Variants in MRPS6 observed in about 807,000 individuals in gnomAD.
MRPS6 encodes small ribosomal subunit protein bS6m.
In MRPS6, 6 loss-of-function variants were observed where a neutral mutation model predicts 13.1. The ratio of observed to expected loss-of-function variants is 0.46; its 90% confidence interval spans 0.25 to 0.91. MRPS6 has a LOEUF of 0.91. Among genes scored for constraint, MRPS6 ranks in the 40% least tolerant of loss-of-function variants. The pLI is 0.18. For missense variants in MRPS6, 164 were observed against 155.6 expected (o/e 1.05, Z -0.29); for synonymous variants, 61 against 56.5 (o/e 1.08, Z -0.36).
At position 34,125,290 on chromosome 21, in the gene MRPS6, A is replaced by G. The variant is rs771942426; in HGVS notation, c.46-51A>G. ...CAGACTTAATCATTCTAGCTCTTAT[A>G]TTAATTCTGATGCTTTTTTTTCTTT... On this transcript the variant is annotated intron_variant, in intron 1 of 2. Transcript: ENST00000399312. The G allele has an allele frequency of 4.4e-6, 7 of 1,598,812 alleles. No homozygotes were observed. In the South Asian group the frequency reaches 5.7e-5, roughly 13 times the overall value.
chr21:34,116,178 T>TGTGTGTG (rs1979892869), intron 1 of MRPS6, among the ~76,000 whole-genome samples: 2 of 141,284 alleles, frequency 1.4e-5, no homozygotes, highest in African/African-American at 5.3e-5. Context: ...CCAGCTAATT[T>TGTGTGTG]TGTGTGTGTG....
chr21:34,076,728 G>A (rs1374658757), intron 1 of MRPS6, among the ~76,000 whole-genome samples: 1 of 152,176 alleles, frequency 6.6e-6, no homozygotes, highest in East Asian at 1.9e-4. Context: ...GTAAAGTAAT[G>A]GATGTTGTGA....
rs116552643 is a variant in MRPS6 at position 34,130,670 on chromosome 21, A to C, written c.185+5190A>C. On this transcript the variant is annotated intron_variant, in intron 2 of 2. Coordinates refer to ENST00000399312, the MANE Select transcript of MRPS6 (RefSeq NM_032476.4). ...CTGGAAGATCACGTGGGCAAGTTCT[A>C]CCTAGGAAGAAGTTCACTATTGCTC... 6.2e-3 allele frequency among the ~76,000 whole-genome samples: 950 copies of C among 152,312 alleles called. 16 individuals carry two copies. Among genetic ancestry groups the C allele is most frequent in the African/African-American group, 0.022 (905 of 41,576 alleles).
chr21:34,098,320 G>A (rs1979066776), intron 1 of MRPS6: 1 of 999,976 alleles, frequency 1.0e-6, no homozygotes, highest in East Asian at 1.1e-4. Context: ...TGGAAGATAT[G>A]TCCAGAAACC....
intron 2 of MRPS6, 41 bp downstream of exon 2, chr21:34,125,521 G>A (rs762178928): frequency 5.6e-6 from 9 of 1,608,242 alleles, no homozygotes; most frequent in Non-Finnish European, 7.6e-6. Flanking sequence ...TTTTTGATAG[G>A]CTCAGTAAAG....
At position 34,142,481 on chromosome 21, in the gene MRPS6, G is replaced by C; in HGVS notation, c.259G>C (p.Asp87His). The C allele has an allele frequency of 6.2e-7, 1 of 1,613,052 alleles. No individual in the cohort carries two copies. The highest frequency in any genetic ancestry group is 8.5e-7 in the Non-Finnish European group (1 of 1,179,592). The change falls in exon 3 of 3, where the codon GAT becomes CAT. Residue 87 changes from aspartate (D) to histidine (H), a missense_variant. Coordinates refer to ENST00000399312, the MANE Select transcript of MRPS6 (RefSeq NM_032476.4). ...GGTGGAGCACTTGTCTCGAGATATA[G>C]ATGTGATTAGAGGGAATATTGTCAA... ...SMVEHLSRDIDVIRGNIVKHP... is the reference protein window; with the variant it reads ...SMVEHLSRDIHVIRGNIVKHP...
chr21:34,108,381 G>C (rs907503234), intron 1 of MRPS6, among the ~76,000 whole-genome samples: 7 of 152,204 alleles, frequency 4.6e-5, no homozygotes, highest in Non-Finnish European at 1.0e-4. Context: ...GCGTGGGTTT[G>C]TAGTCTAGGA....
intron 1 of MRPS6, chr21:34,099,669 T>C (rs567767083): frequency 8.0e-6 from 8 of 998,016 alleles, no homozygotes; most frequent in Admixed American, 6.2e-5. Context: ...TCCCTCTACC[T>C]TCTTTCTGCT....
intron 1 of MRPS6, among the ~76,000 whole-genome samples, chr21:34,085,947 A>G (rs953144216): frequency 5.3e-5 from 8 of 152,196 alleles, no homozygotes; most frequent in East Asian, 1.9e-4. Context: ...ACACCTAACT[A>G]CAATTCCTTA....
Position 34,125,604 on chromosome 21 carries a change from G to A in MRPS6, c.185+124G>A, listed in dbSNP as rs1160569778. 3 of 1,392,342 alleles carry A rather than the reference G, an allele frequency of 2.2e-6. No individual in the cohort carries two copies. The African/African-American group carries it at 4.4e-5, about 20-fold the overall frequency. 86.2% of individuals were successfully genotyped at this position (1,392,342 alleles called of 1,614,324 possible). On this transcript the variant is annotated intron_variant, in intron 2 of 2. Coordinates refer to ENST00000399312, the MANE Select transcript of MRPS6 (RefSeq NM_032476.4). ...CCCCTGTTGCGCCTAGGTGTCCTTTGGGTACACACTCTGGCAGTCTTGTGT... is the reference window on the plus strand; with the variant it reads ...CCCCTGTTGCGCCTAGGTGTCCTTTAGGTACACACTCTGGCAGTCTTGTGT...
At chr21:34,103,557 A>G (rs1022179950) in intron 1 of MRPS6, 6 of 1,000,094 alleles carry the variant, frequency 6.0e-6, no homozygotes, top group Non-Finnish European at 7.2e-6. Flanking sequence ...ATAGAAAGCT[A>G]AAGTCCATAG....
At chr21:34,103,466 T>G in intron 1 of MRPS6, 1 of 998,896 alleles carries the variant, frequency 1.0e-6, no homozygotes. Context: ...TTATGTTCTG[T>G]GATCTTAATT....
At chr21:34,116,178 T>TTGTG (rs57694757) in intron 1 of MRPS6, among the ~76,000 whole-genome samples, 22,515 of 141,140 alleles carry the variant, frequency 0.16, 1,883 homozygotes, top group Admixed American at 0.19. Context: ...CCAGCTAATT[T>TTGTG]TGTGTGTGTG....
rs147050753 is a variant in MRPS6, at chr21:34,092,388, A to G, written c.45+18643A>G. Among the ~76,000 whole-genome samples the G allele has an allele frequency of 8.9e-3, 1,353 of 151,198 alleles. 8 individuals carry two copies. Among genetic ancestry groups the G allele is most frequent in the Non-Finnish European group, 0.012 (826 of 67,868 alleles). ...ATCTAGACACGACCCACAGAGTGGT[A>G]TGGTATCCAGTGAGAAGGGAACTGT... is the stretch of plus-strand genomic sequence containing the variant. On this transcript the variant is annotated intron_variant, in intron 1 of 2. Coordinates refer to ENST00000399312, the MANE Select transcript of MRPS6 (RefSeq NM_032476.4).
rs554795092 is a variant in MRPS6, at chr21:34,110,478, GTC to G, written c.46-14860_46-14859del. 1.5e-4 allele frequency among the ~76,000 whole-genome samples: 23 copies of G among 151,048 alleles called. No individual in the cohort carries two copies. In the South Asian group the frequency reaches 3.1e-3, roughly 21 times the overall value. The stretch of plus-strand genomic sequence containing the variant: ...CTAGGCGGCAACAGAGTGAGATCCT[GTC>G]TCATTAAAAAGAAAAAAAAAAGGCT... On this transcript the variant is annotated intron_variant, in intron 1 of 2. Transcript: ENST00000399312.
At chr21:34,116,680 C>CT (rs1979927212) in intron 1 of MRPS6, among the ~76,000 whole-genome samples, 1 of 152,038 alleles carries the variant, frequency 6.6e-6, no homozygotes, top group African/African-American at 2.4e-5. Flanking sequence ...GACTGCCTGG[C>CT]TCTAGTGGCC....
intron 1 of MRPS6, among the ~76,000 whole-genome samples, chr21:34,093,015 G>T (rs1978784226): frequency 6.6e-6 from 1 of 152,178 alleles, no homozygotes; most frequent in Non-Finnish European, 1.5e-5. Flanking sequence ...CATTGTAATT[G>T]ACAAGCTTCC....
intron 2 of MRPS6, among the ~76,000 whole-genome samples, chr21:34,125,993 T>G (rs1342233086): frequency 1.3e-5 from 2 of 152,228 alleles, no homozygotes; most frequent in African/African-American, 4.8e-5. Flanking sequence ...CTCAAATACA[T>G]GTCACAGATT....
At chr21:34,125,788 A>G (rs1051339187) in intron 2 of MRPS6, among the ~76,000 whole-genome samples, 5 of 152,212 alleles carry the variant, frequency 3.3e-5, no homozygotes, top group Admixed American at 1.3e-4. Flanking sequence ...TTTTGCCTTT[A>G]AAATACCTTA....
Sources: allele counts gnomAD v4.1 joint callset (sites outside exome capture counted in the v4.1 genomes callset), GRCh38; gene constraint gnomAD v4.1.1; transcripts MANE v1.5; gene names NCBI Gene and HGNC (gene_info 2026-07-23, HGNC 2026-07-21).